Variants in ROBO2 observed in about 807,000 individuals in gnomAD.
ROBO2 encodes roundabout homolog 2.
Under a neutral mutation model 160.8 loss-of-function variants are expected in ROBO2, and 53 were observed. That is an observed-to-expected ratio of 0.33 (90% confidence interval 0.26 to 0.41). ROBO2 has a LOEUF of 0.41. ROBO2 is among the 10% of genes least tolerant of loss of function. ROBO2 has a pLI of 1.00. For synonymous variants in ROBO2, 664 were observed against 611.7 expected (o/e 1.09, Z -1.26); for missense variants, 1,577 against 1,722.4 (o/e 0.92, Z 1.49).
intron 22 of ROBO2, among the ~76,000 whole-genome samples, chr3:77,618,402 T>C (rs2280598): frequency 0.072 from 10,890 of 152,236 alleles, 579 homozygotes; most frequent in East Asian, 0.2. Flanking sequence ...ACTACAGGTG[T>C]CAGTTTACCT....
chr3:76,582,375 T>G (rs2085756144), intron 2 of ROBO2, among the ~76,000 whole-genome samples: 1 of 152,190 alleles, frequency 6.6e-6, no homozygotes, highest in African/African-American at 2.4e-5. Flanking sequence ...TCTACCAGGT[T>G]ACACAGGAGA....
rs968199336 is a variant in ROBO2, at chr3:77,484,804, T to C, written c.667+3585T>C. Among the ~76,000 whole-genome samples, 76 of 152,098 alleles carry C rather than the reference T, an allele frequency of 5.0e-4. 3 individuals are homozygous for C. The highest frequency in any genetic ancestry group is 1.0e-4 in the Non-Finnish European group (7 of 68,006). On this transcript the variant is annotated intron_variant, in intron 4 of 25. Transcript: ENST00000461745. ...TTAATATTCAGAATTTGAGTTATTATAGTCATGTCAATATTATTGACTGTG... is the reference window on the plus strand; with the variant it reads ...TTAATATTCAGAATTTGAGTTATTACAGTCATGTCAATATTATTGACTGTG...
intron 2 of ROBO2, among the ~76,000 whole-genome samples, chr3:77,462,781 G>A (rs1035983946): frequency 1.3e-5 from 2 of 151,504 alleles, no homozygotes; most frequent in African/African-American, 4.9e-5. Context: ...TTTCCTGCAA[G>A]TGCATTTGTT....
chr3:77,382,248 T>C (rs1034664230), intron 2 of ROBO2, among the ~76,000 whole-genome samples: 2 of 151,952 alleles, frequency 1.3e-5, no homozygotes, highest in African/African-American at 2.4e-5. Context: ...TTATACTTTG[T>C]GTTTAAGAAT....
exon 2 of ROBO2, chr3:77,098,312 G>A (rs1273947109): frequency 1.9e-6 from 3 of 1,614,204 alleles, no homozygotes; most frequent in Non-Finnish European, 2.5e-6. Context: ...GTGAAGCAGT[G>A]AGTCGAAATG....
chr3:77,132,282 G>C (rs1253689946), intron 2 of ROBO2, among the ~76,000 whole-genome samples: 1 of 152,078 alleles, frequency 6.6e-6, no homozygotes, highest in Admixed American at 6.6e-5. Context: ...CCAAGAGACA[G>C]AGTACTTGGA....
intron 24 of ROBO2, among the ~76,000 whole-genome samples, chr3:77,640,242 G>T (rs1273614958): frequency 6.6e-6 from 1 of 151,594 alleles, no homozygotes; most frequent in Non-Finnish European, 1.5e-5. Context: ...CTCCCGAGTA[G>T]CTGGGACTAA....
chr3:77,299,861 A>G (rs192397876), intron 2 of ROBO2, among the ~76,000 whole-genome samples: 37 of 152,220 alleles, frequency 2.4e-4, no homozygotes, highest in Admixed American at 5.9e-4. Context: ...AACTGGATAA[A>G]AGTAAGAGAA....
At chr3:77,252,724 C>T (rs1274462461) in intron 2 of ROBO2, among the ~76,000 whole-genome samples, 3 of 141,138 alleles carry the variant, frequency 2.1e-5, no homozygotes, top group Admixed American at 7.5e-5. Context: ...AGGAGAATGG[C>T]GTGAATCCGG....
chr3:77,399,635 AATTGG>A (rs1560726671), intron 2 of ROBO2, among the ~76,000 whole-genome samples: 4 of 152,154 alleles, frequency 2.6e-5, no homozygotes, highest in Non-Finnish European at 5.9e-5. Flanking sequence ...AAATTGATTT[AATTGG>A]TCATGATAAG....
At chr3:77,247,580 G>A (rs768819771) in intron 2 of ROBO2, among the ~76,000 whole-genome samples, 1 of 152,156 alleles carries the variant, frequency 6.6e-6, no homozygotes, top group Non-Finnish European at 1.5e-5. Flanking sequence ...CCTCTCTTCA[G>A]TAAGAGTAAT....
chr3:77,358,713 T>G (rs1490596364), intron 2 of ROBO2, among the ~76,000 whole-genome samples: 1 of 152,252 alleles, frequency 6.6e-6, no homozygotes, highest in Non-Finnish European at 1.5e-5. Context: ...TATTATGTAC[T>G]GAGATTTTAT....
At chr3:76,039,409 A>G (rs549676882) in intron 2 of ROBO2, among the ~76,000 whole-genome samples, 1 of 152,158 alleles carries the variant, frequency 6.6e-6, no homozygotes, top group African/African-American at 2.4e-5. Flanking sequence ...AGGCAATCAC[A>G]TATTCTACTT....
chr3:76,880,479 G>A (rs2073223593), intron 2 of ROBO2, among the ~76,000 whole-genome samples: 1 of 152,132 alleles, frequency 6.6e-6, no homozygotes, highest in Non-Finnish European at 1.5e-5. Flanking sequence ...AATGGTGTAA[G>A]TGTTTCTATA....
intron 2 of ROBO2, among the ~76,000 whole-genome samples, chr3:76,858,959 G>T (rs2148599716): frequency 6.6e-6 from 1 of 152,300 alleles, no homozygotes; most frequent in African/African-American, 2.4e-5. Flanking sequence ...AGAGATGTTT[G>T]TTATATGGAA....
chr3:77,251,822 G>A (rs1367357766), intron 2 of ROBO2, among the ~76,000 whole-genome samples: 4 of 151,866 alleles, frequency 2.6e-5, no homozygotes, highest in Non-Finnish European at 5.9e-5. Flanking sequence ...ATGTGCTTTC[G>A]CCGTCCACCC....
At chr3:77,630,941 C>A (rs914868614) in intron 23 of ROBO2, 3 of 150,252 alleles carry the variant, frequency 2.0e-5, no homozygotes, top group Non-Finnish European at 3.0e-5. Flanking sequence ...GTGACCCCCT[C>A]ACTGAATTTC....
intron 2 of ROBO2, among the ~76,000 whole-genome samples, chr3:76,048,579 C>T (rs1241539593): frequency 2.6e-5 from 4 of 152,070 alleles, no homozygotes; most frequent in African/African-American, 9.7e-5. Flanking sequence ...AGCCCTTATG[C>T]ACTGCAGATG....
chr3:76,931,826 A>G (rs1179682440), intron 2 of ROBO2, among the ~76,000 whole-genome samples: 1 of 151,786 alleles, frequency 6.6e-6, no homozygotes, highest in African/African-American at 2.4e-5. Flanking sequence ...GATTACAGGC[A>G]CCTGCCACCA....
Sources: allele counts gnomAD v4.1 joint callset (sites outside exome capture counted in the v4.1 genomes callset), GRCh38; gene constraint gnomAD v4.1.1; transcripts MANE v1.5; gene names NCBI Gene and HGNC (gene_info 2026-07-23, HGNC 2026-07-21).